Variants in LHX2 observed in about 807,000 individuals in gnomAD.
LHX2 encodes the protein LIM/homeobox protein Lhx2.
A neutral mutation model predicts 33.0 loss-of-function variants in LHX2; 6 were observed. That is an observed-to-expected ratio of 0.18 (90% confidence interval 0.10 to 0.36). LHX2 has a LOEUF of 0.36. LHX2 is among the 10% of genes least tolerant of loss of function. The pLI is 1.00. For missense variants in LHX2, 442 were observed against 586.2 expected, an observed-to-expected ratio of 0.75 and a Z score of 2.54; for synonymous variants, 292 against 253.1, an observed-to-expected ratio of 1.15 and a Z score of -1.46.
intron 3 of LHX2, among the ~76,000 whole-genome samples, chr9:124,019,515 C>T (rs903959675): frequency 1.3e-5 from 2 of 152,032 alleles, no homozygotes; most frequent in East Asian, 3.9e-4. Context: ...ATAAGTGTCC[C>T]GTGTAATATT....
At chr9:124,020,803 T>A (rs965101361) in intron 3 of LHX2, among the ~76,000 whole-genome samples, 2 of 152,232 alleles carry the variant, frequency 1.3e-5, no homozygotes, top group Admixed American at 1.3e-4. Context: ...TTGCTGCTGC[T>A]GCTGCTGCTG....
intron 4 of LHX2, among the ~76,000 whole-genome samples, chr9:124,027,661 A>G (rs755905825): frequency 5.3e-5 from 8 of 152,164 alleles, no homozygotes; most frequent in Non-Finnish European, 1.2e-4. Context: ...ACTAAAAAAT[A>G]TAAAAAATTA....
intron 4 of LHX2, among the ~76,000 whole-genome samples, chr9:124,023,735 C>G (rs1163248346): frequency 2.0e-5 from 3 of 152,170 alleles, no homozygotes; most frequent in East Asian, 1.9e-4. Context: ...GGAGAGTTAC[C>G]TCTTATTCTT....
At chr9:124,028,457 C>T (rs560686600) in intron 4 of LHX2, among the ~76,000 whole-genome samples, 1 of 152,286 alleles carries the variant, frequency 6.6e-6, no homozygotes, top group East Asian at 1.9e-4. Context: ...TTGCTTGCAG[C>T]TGCCTAAGAA....
intron 4 of LHX2, among the ~76,000 whole-genome samples, chr9:124,030,221 G>A (rs183030217): frequency 8.5e-5 from 13 of 152,338 alleles, no homozygotes; most frequent in Non-Finnish European, 1.6e-4. Context: ...CACCAGAAAC[G>A]GGGGTTTGAG....
chr9:124,021,344 G>A (rs1316877579), intron 4 of LHX2, 40 bp downstream of exon 4: 10 of 1,591,550 alleles, frequency 6.3e-6, no homozygotes, highest in Non-Finnish European at 8.6e-6. Context: ...GCGACCACCA[G>A]GGACTGGGGT....
intron 4 of LHX2, among the ~76,000 whole-genome samples, chr9:124,028,978 C>T (rs943012794): frequency 4.6e-5 from 7 of 152,066 alleles, no homozygotes; most frequent in Admixed American, 6.6e-5. Flanking sequence ...GGCATGGTGG[C>T]GGGTGCCTGT....
chr9:124,029,913 G>A (rs938039128), intron 4 of LHX2, among the ~76,000 whole-genome samples: 12 of 152,202 alleles, frequency 7.9e-5, no homozygotes, highest in African/African-American at 2.6e-4. Flanking sequence ...TTTTCTTTAG[G>A]CCACCAGGAC....
rs772832117 is a variant in LHX2, at chr9:124,015,504, G to C, written c.706G>C (p.Asp236His). 1 of 1,468,166 alleles carries C rather than the reference G, an allele frequency of 6.8e-7. No homozygotes were observed. Among genetic ancestry groups the C allele is most frequent in the Admixed American group, 2.7e-5 (1 of 36,784 alleles). The allele number at this position is 1,468,166 out of a possible 1,614,324, so 90.9% of individuals were successfully genotyped here. Residue 236 changes from aspartate to histidine, a missense_variant, in exon 3 of 5, where the codon GAT (aspartate) becomes CAT (histidine). Physicochemically the swap from Asp to His is moderately conservative, Grantham distance 81. Transcript: ENST00000373615. The surrounding 1 kb of genome is among the most constrained non-coding windows in gnomAD (Gnocchi z 7.9). ...ACGTAAGAGCCCGGGCCCCGGTGCG[G>C]ATCTGGCGGCCTACAACGCTGGTGA... is the stretch of plus-strand genomic sequence containing the variant. ...RKRKSPGPGA[D>H]LAAYNAALSC...
chr9:124,014,298 G>A lies in LHX2; in HGVS notation c.323+135G>A. 1 of 600,960 alleles carries A rather than the reference G, an allele frequency of 1.7e-6. No individual in the cohort carries two copies. The highest frequency in any genetic ancestry group is 1.8e-5 in the South Asian group (1 of 55,292). 37.2% of individuals were successfully genotyped at this position (600,960 alleles called of 1,614,324 possible). A position where few individuals can be genotyped will look rare whatever the true frequency, so the allele number is the denominator to read the frequency against. On this transcript the variant is annotated intron_variant, in intron 2 of 4. Transcript: ENST00000373615. This position sits in a 1 kb window ranked among gnomAD's most constrained non-coding sequence, Gnocchi z 4.8. The stretch of plus-strand genomic sequence containing the variant: ...CAGGACTCCCCCGCTCCCCCCCCAA[G>A]TTCTCCAAGCCACCACAAGTTGGGT...
Position 124,032,156 on chromosome 9 carries a change from C to T in LHX2, c.934-264C>T, listed in dbSNP as rs1225060580. 12 of 404,792 alleles carry T rather than the reference C, an allele frequency of 3.0e-5. No individual in the cohort carries two copies. Among genetic ancestry groups the T allele is most frequent in the Admixed American group, 1.3e-4 (3 of 23,180 alleles). 25.1% of individuals were successfully genotyped at this position (404,792 alleles called of 1,614,324 possible). The stretch of plus-strand genomic sequence containing the variant: ...ACCCAGGAGGCTGAGGCGGGAGGAT[C>T]GCTTGATCCCAGGAGTTAGAAGCTG... On this transcript the variant is annotated intron_variant, in intron 4 of 4. Coordinates refer to ENST00000373615, the MANE Select transcript of LHX2 (RefSeq NM_004789.4). The surrounding 1 kb of genome is among the most constrained non-coding windows in gnomAD (Gnocchi z 4.1).
Position 124,014,224 on chromosome 9 carries a change from C to G in LHX2, c.323+61C>G. ...CCCCCCAATCTCAGGCACAGTCTTA[C>G]AGTTTGGCCCTCTCCTTTCCGTTTA... On this transcript the variant is annotated intron_variant, in intron 2 of 4. Coordinates refer to ENST00000373615, the MANE Select transcript of LHX2 (RefSeq NM_004789.4). The surrounding 1 kb of genome is among the most constrained non-coding windows in gnomAD (Gnocchi z 4.8). The G allele has an allele frequency of 8.2e-7, 1 of 1,215,642 alleles. No individual in the cohort carries two copies. The highest frequency in any genetic ancestry group is 1.2e-6 in the Non-Finnish European group (1 of 842,748). 75.3% of individuals were successfully genotyped at this position (1,215,642 alleles called of 1,614,324 possible). A position where few individuals can be genotyped will look rare whatever the true frequency, so the allele number is the denominator to read the frequency against.
Position 124,015,529 on chromosome 9 carries a change from A to C in LHX2, c.727+4A>C. 6.9e-7 allele frequency: 1 copy of C among 1,456,018 alleles called. No individual in the cohort carries two copies. Among genetic ancestry groups the C allele is most frequent in the Non-Finnish European group, 9.1e-7 (1 of 1,103,378 alleles). The allele number at this position is 1,456,018 out of a possible 1,614,324, so 90.2% of individuals were successfully genotyped here. ...GATCTGGCGGCCTACAACGCTGGTG[A>C]GTGCGCGGCGCACGAAGCGCCCCCA... On this transcript the variant is annotated splice_donor_region_variant and intron_variant, in intron 3 of 4. Transcript: ENST00000373615. This position sits in a 1 kb window ranked among gnomAD's most constrained non-coding sequence, Gnocchi z 7.9.
rs868110731 is a variant in LHX2 at position 124,012,516 on chromosome 9, G to A, written c.120+48G>A. The A allele has an allele frequency of 1.0e-5, 15 of 1,471,172 alleles. No individual in the cohort carries two copies. The Middle Eastern group carries it at 2.8e-3, about 275-fold the overall frequency. The allele number at this position is 1,471,172 out of a possible 1,614,324, so 91.1% of individuals were successfully genotyped here. On this transcript the variant is annotated intron_variant, in intron 1 of 4. Transcript: ENST00000373615. This position sits in a 1 kb window ranked among gnomAD's most constrained non-coding sequence, Gnocchi z 4.3. ...GGGGCTGAGAGCTGGGATGGGGCCG[G>A]GCCAGTCAGCGCCTCTGCTCCCCGA...
chr9:124,013,848 C>A, intron 1 of LHX2, 113 bp from the exon 2 acceptor site: 1 of 929,524 alleles, frequency 1.1e-6, no homozygotes, highest in Non-Finnish European at 1.6e-6. Flanking sequence ...CAGCCCCCTC[C>A]GCGTTCAGGG....
chr9:124,029,963 G>C lies in LHX2; in HGVS notation c.934-2457G>C, dbSNP rs112294724. Among the ~76,000 whole-genome samples, 438 of 152,338 alleles carry C rather than the reference G, an allele frequency of 2.9e-3. 3 individuals are homozygous for C. The highest frequency in any genetic ancestry group is 9.6e-3 in the African/African-American group (399 of 41,584). On this transcript the variant is annotated intron_variant, in intron 4 of 4. Transcript: ENST00000373615. The stretch of plus-strand genomic sequence containing the variant: ...ACAGATTTCTGCTGGCCGGGAAAGG[G>C]AAGGACCCCCCCACCCCAGGGAAAG...
chr9:124,013,728 C>T lies in LHX2; in HGVS notation c.121-233C>T, dbSNP rs1052466148. ...ACCAGAGCCATTTAGGCCAGGAGCC[C>T]GGCCTGGGCCCGTGGCTGGCGAGGG... On this transcript the variant is annotated intron_variant, in intron 1 of 4. Coordinates refer to ENST00000373615, the MANE Select transcript of LHX2 (RefSeq NM_004789.4). Among the ~76,000 whole-genome samples, 3 of 152,252 alleles carry T rather than the reference C, an allele frequency of 2.0e-5. No individual in the cohort carries two copies. In the East Asian group the frequency reaches 5.8e-4, roughly 29 times the overall value.
At chr9:124,029,184 C>A (rs1448950228) in intron 4 of LHX2, among the ~76,000 whole-genome samples, 1 of 152,110 alleles carries the variant, frequency 6.6e-6, no homozygotes, top group Admixed American at 6.5e-5. Flanking sequence ...GTCGAATCCA[C>A]CTACTTGGCT....
chr9:124,028,055 G>A (rs1011033240), intron 4 of LHX2, among the ~76,000 whole-genome samples: 4 of 152,162 alleles, frequency 2.6e-5, no homozygotes, highest in African/African-American at 7.2e-5. Flanking sequence ...TGCCATGATG[G>A]GCATGAAGCT....
Sources: gnomAD v4.1 joint callset for allele counts (sites outside exome capture counted in the v4.1 genomes callset) on GRCh38, gnomAD v4.1.1 for gene constraint, Gnocchi (gnomAD v3.1) non-coding constraint, MANE v1.5 for transcripts, NCBI Gene and HGNC (gene_info 2026-07-23, HGNC 2026-07-21) for gene names.